NAA15: variants seen among roughly 807,000 people sequenced by gnomAD.
NAA15 encodes N-terminal acetyltransferase.
In NAA15, 34 loss-of-function variants were observed where a neutral mutation model predicts 114.0. That is an observed-to-expected ratio of 0.30 (90% confidence interval 0.23 to 0.40). The LOEUF (loss-of-function observed/expected upper bound fraction) is 0.40, where lower values mean the gene tolerates loss of function less well. NAA15 is among the 10% of genes least tolerant of loss of function. NAA15 has a pLI of 1.00. For synonymous variants in NAA15, 340 were observed against 338.0 expected (o/e 1.01, Z -0.06); for missense variants, 658 against 1,004.5 (o/e 0.66, Z 4.66).
intron 1 of NAA15, among the ~76,000 whole-genome samples, chr4:139,315,001 T>TTTAGTTTAGTTTAGG (rs1553992507): frequency 2.7e-5 from 2 of 74,356 alleles, no homozygotes; most frequent in Admixed American, 1.5e-4. Flanking sequence ...TTCAGTTCAG[T>TTTAGTTTAGTTTAGG]TTAGTTTAGG....
In NAA15 at chr4:139,351,270, G is replaced by A. The variant is rs371981648; in HGVS notation, c.891G>A (p.Pro297=). 1.0e-5 allele frequency: 16 copies of A among 1,605,160 alleles called. No individual in the cohort carries two copies. The highest frequency in any genetic ancestry group is 5.4e-5 in the African/African-American group (4 of 74,640). The part of the protein sequence containing the change: ...YPRGLVPRRL[P]LNFLSGEKFK... ...GGGGACTGGTGCCAAGAAGGCTGCC[G>A]TTAAACTTTTTATCTGGTAAGTGAG... The change falls in exon 8 of 20, where the codon CCG becomes CCA. Residue 297 remains proline (P), a synonymous_variant. Transcript: ENST00000296543.
intron 1 of NAA15, among the ~76,000 whole-genome samples, chr4:139,326,902 C>T (rs1313898869): frequency 2.0e-5 from 3 of 151,962 alleles, no homozygotes; most frequent in Admixed American, 6.6e-5. Flanking sequence ...TCCTTTTTGT[C>T]GTTTTAATTT....
chr4:139,374,009 A>G (rs1352237217), intron 15 of NAA15, among the ~76,000 whole-genome samples: 1 of 151,606 alleles, frequency 6.6e-6, no homozygotes, highest in African/African-American at 2.4e-5. Flanking sequence ...CCAGCCTAGC[A>G]TTTTTTTTCC....
At position 139,363,445 on chromosome 4, in the gene NAA15, G is replaced by T. The variant is rs17050746; in HGVS notation, c.1753+1508G>T. Among the ~76,000 whole-genome samples the T allele has an allele frequency of 5.3e-3, 809 of 152,010 alleles. 12 individuals carry two copies. Among genetic ancestry groups the T allele is most frequent in the African/African-American group, 0.019 (774 of 41,458 alleles). On this transcript the variant is annotated intron_variant, in intron 14 of 19. Transcript: ENST00000296543. ...TGCATTTCAGGATGGTTCTTTGCAG[G>T]GTTTCTTGTTTGATTTGTTTTTCTT... is the stretch of plus-strand genomic sequence containing the variant.
At position 139,390,426 on chromosome 4, in the gene NAA15, A is replaced by G. The variant is rs1749030461; in HGVS notation, c.*2342A>G. 1 of 152,612 alleles carries G rather than the reference A, an allele frequency of 6.6e-6. No individual in the cohort carries two copies. The highest frequency in any genetic ancestry group is 1.9e-4 in the East Asian group (1 of 5,196). 9.5% of individuals were successfully genotyped at this position (152,612 alleles called of 1,614,324 possible). A position where few individuals can be genotyped will look rare whatever the true frequency, so the allele number is the denominator to read the frequency against. On this transcript the variant is annotated 3_prime_UTR_variant, in exon 20 of 20. Coordinates refer to ENST00000296543, the MANE Select transcript of NAA15 (RefSeq NM_057175.5). ...TGAGTAGTATCAACTGGATCGTCTC[A>G]TATTTGCCTCATTCATCCTATTAAT...
At chr4:139,380,248 T>G (rs1013330753) in intron 17 of NAA15, among the ~76,000 whole-genome samples, 11 of 134,720 alleles carry the variant, frequency 8.2e-5, no homozygotes, top group African/African-American at 3.3e-4. Flanking sequence ...TTGTTTCTCT[T>G]TAGTTTTTTT....
At chr4:139,379,655 A>G (rs555067896) in intron 17 of NAA15, among the ~76,000 whole-genome samples, 2 of 152,316 alleles carry the variant, frequency 1.3e-5, no homozygotes, top group African/African-American at 4.8e-5. Context: ...TGGAAATACT[A>G]TTAACTATCA....
At chr4:139,349,688 C>A in intron 7 of NAA15, 107 bp downstream of exon 7, 2 of 1,210,688 alleles carry the variant, frequency 1.7e-6, no homozygotes, top group Non-Finnish European at 2.3e-6. Flanking sequence ...AGAATTGGTT[C>A]GAAATCTGAA....
intron 10 of NAA15, chr4:139,356,728 G>T (rs866525484): frequency 6.6e-6 from 1 of 152,024 alleles, no homozygotes; most frequent in African/African-American, 2.4e-5. Context: ...ATTTTTTAAC[G>T]TGTGGGTTGT....
At chr4:139,341,878 T>G (rs919690949) in intron 4 of NAA15, among the ~76,000 whole-genome samples, 1 of 151,876 alleles carries the variant, frequency 6.6e-6, no homozygotes, top group African/African-American at 2.4e-5. Context: ...TGTGCCACCA[T>G]GCCCAGCTCA....
chr4:139,363,634 A>G (rs1748196765), intron 14 of NAA15, among the ~76,000 whole-genome samples: 1 of 152,206 alleles, frequency 6.6e-6, no homozygotes, highest in South Asian at 2.1e-4. Context: ...TTATAGTACT[A>G]TAGTAAATGT....
At chr4:139,378,922 G>C (rs1355045768) in intron 17 of NAA15, 68 bp downstream of exon 17, 1 of 971,856 alleles carries the variant, frequency 1.0e-6, no homozygotes, top group Non-Finnish European at 1.5e-6. Flanking sequence ...TAAGTGGTCT[G>C]TACAAGTTTA....
chr4:139,334,131 G>A, intron 1 of NAA15, 43 bp from the exon 2 acceptor site: 1 of 1,226,360 alleles, frequency 8.2e-7, no homozygotes, highest in Non-Finnish European at 1.2e-6. Flanking sequence ...AAAGTTGTTT[G>A]TATTCCTTGC....
intron 6 of NAA15, among the ~76,000 whole-genome samples, chr4:139,346,554 AT>A (rs35062126): frequency 7.6e-4 from 112 of 148,192 alleles, no homozygotes; most frequent in African/African-American, 2.0e-3. Context: ...CAAAAAAAAA[AT>A]TTTTTTTTTT....
chr4:139,360,997 G>C (rs1748116421), intron 13 of NAA15, among the ~76,000 whole-genome samples: 1 of 152,138 alleles, frequency 6.6e-6, no homozygotes, highest in Non-Finnish European at 1.5e-5. Flanking sequence ...CCCTTGGTAA[G>C]ATATAAATGT....
At chr4:139,338,666 T>A (rs1253971692) in intron 3 of NAA15, among the ~76,000 whole-genome samples, 1 of 152,216 alleles carries the variant, frequency 6.6e-6, no homozygotes, top group African/African-American at 2.4e-5. Context: ...CAGGCTGGTG[T>A]CAAACTCCTG....
intron 1 of NAA15, among the ~76,000 whole-genome samples, chr4:139,331,288 G>C (rs952008714): frequency 6.6e-6 from 1 of 152,056 alleles, no homozygotes; most frequent in African/African-American, 2.4e-5. Flanking sequence ...TTGTTGCTTA[G>C]TAATACATCA....
chr4:139,345,708 C>T (rs974890078), intron 6 of NAA15, among the ~76,000 whole-genome samples: 1 of 152,150 alleles, frequency 6.6e-6, no homozygotes, highest in Non-Finnish European at 1.5e-5. Context: ...ATCACGAGGT[C>T]AGGAGATCGA....
chr4:139,309,426 A>AGTGTGTGT (rs70943412), intron 1 of NAA15, among the ~76,000 whole-genome samples: 74 of 143,668 alleles, frequency 5.2e-4, no homozygotes, highest in African/African-American at 1.7e-3. Flanking sequence ...TTGCTTTTTA[A>AGTGTGTGT]GTGTGTGTGT....
Sources: allele counts gnomAD v4.1 joint callset (sites outside exome capture counted in the v4.1 genomes callset), GRCh38; gene constraint gnomAD v4.1.1; transcripts MANE v1.5; gene names NCBI Gene and HGNC (gene_info 2026-07-23, HGNC 2026-07-21).